Variants in ABR observed in about 807,000 individuals in gnomAD.
ABR encodes the protein active breakpoint cluster region-related protein.
ABR carries 35 observed loss-of-function variants against 107.2 expected under a neutral mutation model. That is an observed-to-expected ratio of 0.33 (90% CI 0.25 to 0.43). The LOEUF (loss-of-function observed/expected upper bound fraction) is 0.43. ABR is among the 20% of genes least tolerant of loss of function. The probability of loss-of-function intolerance (pLI) is 1.00; values close to 1 mark genes in which losing one functional copy is unlikely to be tolerated. For missense variants in ABR, 815 were observed against 1,115.2 expected (o/e 0.73, Z 3.83); for synonymous variants, 498 against 462.0 (o/e 1.08, Z -1.00).
At chr17:1,056,290 G>A (rs552184830) in intron 13 of ABR, among the ~76,000 whole-genome samples, 181 bp from the exon 14 acceptor site, 9 of 152,166 alleles carry the variant, frequency 5.9e-5, no homozygotes, top group South Asian at 4.1e-4. Context: ...TGAGCTGCCC[G>A]GGGTAGGGCT....
intron 16 of ABR, among the ~76,000 whole-genome samples, chr17:1,032,153 AGCGGAGGGGCCGGGGGCCAG>A (rs1463467091): frequency 3.9e-5 from 6 of 151,930 alleles, no homozygotes; most frequent in Admixed American, 2.0e-4. Context: ...CCAGGGGCCA[AGCGGAGGGGCCGGGGGCCAG>A]GCGGGGGCTG....
chr17:1,171,895 A>C (rs1482538535), intron 1 of ABR, among the ~76,000 whole-genome samples: 2 of 152,172 alleles, frequency 1.3e-5, no homozygotes, highest in Non-Finnish European at 2.9e-5. Context: ...GCACCACTGC[A>C]CTCCAGCCTG....
intron 6 of ABR, 70 bp from the exon 7 acceptor site, chr17:1,073,747 G>T: frequency 7.1e-7 from 1 of 1,403,770 alleles, no homozygotes; most frequent in Non-Finnish European, 9.7e-7. Context: ...CCAGAGACCA[G>T]CTTCGTCCCC....
intron 3 of ABR, among the ~76,000 whole-genome samples, chr17:1,094,349 C>T (rs1160343059): frequency 3.3e-5 from 5 of 151,784 alleles, no homozygotes; most frequent in Non-Finnish European, 7.4e-5. Flanking sequence ...AGTGCGTACA[C>T]GATCATGGTC....
intron 16 of ABR, 28 bp from the exon 17 acceptor site, chr17:1,013,192 G>C (rs1037886984): frequency 3.7e-6 from 6 of 1,611,816 alleles, no homozygotes; most frequent in Admixed American, 3.3e-5. Flanking sequence ...GGGTGAGAGA[G>C]GTGCCAGCTC....
chr17:1,042,633 G>A (rs1348718491), intron 16 of ABR, among the ~76,000 whole-genome samples: 1 of 147,058 alleles, frequency 6.8e-6, no homozygotes, highest in East Asian at 2.1e-4. Context: ...TACATCCACG[G>A]ACAGACAGAA....
At chr17:1,188,239 T>C (rs2042354569), upstream of ABR, among the ~76,000 whole-genome samples, 1 of 151,436 alleles carries the variant, frequency 6.6e-6, no homozygotes, top group East Asian at 1.9e-4. Flanking sequence ...AAAATAACAA[T>C]GTGTGGGAGC....
chr17:1,110,351 GTGCGGGTGAGGCC>G (rs761559541), intron 2 of ABR, among the ~76,000 whole-genome samples: 30 of 152,172 alleles, frequency 2.0e-4, no homozygotes, highest in Admixed American at 3.9e-4. Context: ...ACCCATGAGG[GTGCGGGTGAGGCC>G]TGCGGGTGAG....
intron 16 of ABR, among the ~76,000 whole-genome samples, chr17:1,042,930 C>T (rs1243543534): frequency 2.0e-5 from 3 of 152,174 alleles, no homozygotes; most frequent in African/African-American, 7.2e-5. Flanking sequence ...GGGTGAAGCT[C>T]AAGGACATGA....
chr17:1,032,628 G>A (rs4968079), intron 16 of ABR, among the ~76,000 whole-genome samples: 2 of 80,396 alleles, frequency 2.5e-5, no homozygotes, highest in Non-Finnish European at 6.1e-5. Flanking sequence ...CGCAGAGGAC[G>A]CCACGGGCAA....
exon 1 of ABR, among the ~76,000 whole-genome samples, chr17:1,229,402 G>T (rs551274441): frequency 6.8e-6 from 1 of 146,096 alleles, no homozygotes; most frequent in East Asian, 2.0e-4. Context: ...TCGGGGTCGG[G>T]GCGCCCGGGC....
intron 1 of ABR, chr17:1,228,018 C>T (rs1168704272): frequency 6.6e-6 from 1 of 152,234 alleles, no homozygotes; most frequent in African/African-American, 2.4e-5. Context: ...ACAGGAGACC[C>T]GGTGAAGGTC....
At position 1,156,136 on chromosome 17, in the gene ABR, AC is replaced by A. The variant is rs1342682998; in HGVS notation, c.61+23530del. 9 of 150,760 alleles carry A rather than the reference AC, an allele frequency of 6.0e-5. No homozygotes were observed. The East Asian group carries it at 1.8e-3, about 30-fold the overall frequency. The allele number at this position is 150,760 out of a possible 1,614,324, so 9.3% of individuals were successfully genotyped here. On this transcript the variant is annotated intron_variant, in intron 1 of 22. Coordinates refer to ENST00000302538, the MANE Select transcript of ABR (RefSeq NM_021962.5). ...GTGCTGTGGGGACCCAAATTCAGACACCCATGCCCACCAGCCTACACCAGAG... is the reference window on the plus strand; with the variant it reads ...GTGCTGTGGGGACCCAAATTCAGACACCATGCCCACCAGCCTACACCAGAG...
In ABR at chr17:1,070,978, C is replaced by T. The variant is rs961996922; in HGVS notation, c.895-888G>A. 2.6e-5 allele frequency among the ~76,000 whole-genome samples: 4 copies of T among 152,254 alleles called. No individual in the cohort carries two copies. The highest frequency in any genetic ancestry group is 3.4e-3 in the Middle Eastern group (1 of 294). On this transcript the variant is annotated intron_variant, in intron 8 of 22. Coordinates refer to ENST00000302538, the MANE Select transcript of ABR (RefSeq NM_021962.5). This position sits in a 1 kb window ranked among gnomAD's most constrained non-coding sequence, Gnocchi z 4.2. ...AGGAGTTTGAGACCAGCCTGGCCAA[C>T]GTGGCGAAACCCCGTCTCTACTAAA...
intron 2 of ABR, among the ~76,000 whole-genome samples, chr17:1,120,600 C>A (rs966935749): frequency 1.3e-5 from 2 of 152,176 alleles, no homozygotes; most frequent in Non-Finnish European, 2.9e-5. Flanking sequence ...TTTCAATTCG[C>A]CTCCACCCTT....
At chr17:1,028,287 C>T (rs866175708) in intron 16 of ABR, among the ~76,000 whole-genome samples, 5 of 150,028 alleles carry the variant, frequency 3.3e-5, no homozygotes, top group Admixed American at 6.7e-5. Flanking sequence ...TTAGTAGACA[C>T]GGGGTTTCAC....
At chr17:1,049,883 C>T (rs1392203181) in intron 16 of ABR, 167 bp downstream of exon 16, 3 of 946,444 alleles carry the variant, frequency 3.2e-6, no homozygotes, top group Non-Finnish European at 4.7e-6. Context: ...GGGGCCACAA[C>T]AGGCAGCCAC....
At chr17:1,110,266 GGGA>G (rs1233648665) in intron 2 of ABR, among the ~76,000 whole-genome samples, 3 of 151,960 alleles carry the variant, frequency 2.0e-5, no homozygotes, top group African/African-American at 4.8e-5. Context: ...CTCCTTCCAT[GGGA>G]GGAGGAGTCC....
At chr17:1,104,404 T>A (rs555483688) in intron 2 of ABR, among the ~76,000 whole-genome samples, 1 of 152,188 alleles carries the variant, frequency 6.6e-6, no homozygotes, top group Admixed American at 6.5e-5. Flanking sequence ...AAAGACACAA[T>A]CTCTCCAGTA....
Sources: gnomAD v4.1 joint callset for allele counts (sites outside exome capture counted in the v4.1 genomes callset) on GRCh38, gnomAD v4.1.1 for gene constraint, Gnocchi (gnomAD v3.1) non-coding constraint, MANE v1.5 for transcripts, NCBI Gene and HGNC (gene_info 2026-07-23, HGNC 2026-07-21) for gene names.